SNX29: variants seen among roughly 807,000 people sequenced by gnomAD.
SNX29 encodes the protein sorting nexin 29, also known as sorting nexin-29.
Under a neutral mutation model 102.1 loss-of-function variants are expected in SNX29, and 78 were observed. The ratio of observed to expected loss-of-function variants is 0.76; its 90% CI spans 0.64 to 0.92. SNX29 has a LOEUF of 0.92. SNX29 is among the 40% of genes least tolerant of loss of function. The pLI is 0.00. For missense variants in SNX29, 1,280 were observed against 1,061.7 expected (o/e 1.21, Z -2.86); for synonymous variants, 580 against 414.5 (o/e 1.40, Z -4.85).
intron 1 of SNX29, among the ~76,000 whole-genome samples, chr16:11,997,811 G>T (rs567090301): frequency 1.3e-5 from 2 of 152,228 alleles, no homozygotes; most frequent in South Asian, 4.1e-4. Context: ...TGAGAAGATG[G>T]ATCTTTTACA....
At chr16:12,335,321 A>C (rs553174757) in intron 15 of SNX29, among the ~76,000 whole-genome samples, 1 of 152,084 alleles carries the variant, frequency 6.6e-6, no homozygotes, top group Non-Finnish European at 1.5e-5. Flanking sequence ...TGCTGGGAGT[A>C]TAAGAATTCA....
chr16:12,269,470 A>G (rs1054948727), intron 14 of SNX29, among the ~76,000 whole-genome samples: 1 of 152,196 alleles, frequency 6.6e-6, no homozygotes, highest in South Asian at 2.1e-4. Flanking sequence ...CTGTGACAAT[A>G]AGATAGGTCT....
chr16:12,353,211 G>C (rs1474385012), intron 15 of SNX29, among the ~76,000 whole-genome samples: 2 of 152,144 alleles, frequency 1.3e-5, no homozygotes, highest in Non-Finnish European at 1.5e-5. Context: ...CAACTCTGTG[G>C]TGCTCTTGCT....
chr16:12,250,316 T>G (rs2078384500), intron 14 of SNX29, among the ~76,000 whole-genome samples: 1 of 152,196 alleles, frequency 6.6e-6, no homozygotes, highest in African/African-American at 2.4e-5. Flanking sequence ...TTTTGCAATT[T>G]TCAGTCTGTA....
chr16:12,474,125 C>T (rs897595075), intron 18 of SNX29, among the ~76,000 whole-genome samples: 2 of 151,970 alleles, frequency 1.3e-5, no homozygotes, highest in East Asian at 1.9e-4. Context: ...GGCAGGTAGC[C>T]GTGGGTTCAA....
chr16:12,563,945 TCAAG>T (rs1397815735), intron 20 of SNX29, among the ~76,000 whole-genome samples: 1 of 152,134 alleles, frequency 6.6e-6, no homozygotes, highest in African/African-American at 2.4e-5. Context: ...CTGATCTTGT[TCAAG>T]AAAGACGAGG....
At chr16:12,149,985 C>G (rs914273552) in intron 13 of SNX29, among the ~76,000 whole-genome samples, 1 of 152,128 alleles carries the variant, frequency 6.6e-6, no homozygotes, top group Non-Finnish European at 1.5e-5. Flanking sequence ...TGGCTGTATC[C>G]TGGAATTCTG....
At chr16:12,276,135 C>T (rs905911998) in intron 14 of SNX29, among the ~76,000 whole-genome samples, 10 of 152,094 alleles carry the variant, frequency 6.6e-5, no homozygotes, top group Admixed American at 6.5e-5. Flanking sequence ...TCAAGTGATC[C>T]ACCCGCCTTG....
intron 15 of SNX29, among the ~76,000 whole-genome samples, chr16:12,299,373 T>C (rs953174677): frequency 2.8e-4 from 43 of 152,236 alleles, no homozygotes; most frequent in African/African-American, 1.0e-3. Context: ...AATTTTTCTT[T>C]GTGATATTCA....
At chr16:12,565,696 G>A (rs1192293763) in intron 20 of SNX29, among the ~76,000 whole-genome samples, 1 of 151,696 alleles carries the variant, frequency 6.6e-6, no homozygotes, top group Non-Finnish European at 1.5e-5. Context: ...TTCCAGGAAG[G>A]GGAAGCAGCT....
At chr16:12,508,690 G>T (rs1451364945) in intron 19 of SNX29, among the ~76,000 whole-genome samples, 1 of 152,218 alleles carries the variant, frequency 6.6e-6, no homozygotes, top group Non-Finnish European at 1.5e-5. Flanking sequence ...GGCCATTGCA[G>T]TATGGAATTG....
chr16:12,403,086 G>A (rs1477119), intron 17 of SNX29, among the ~76,000 whole-genome samples: 83,803 of 151,948 alleles, frequency 0.55, 23,792 homozygotes, highest in Non-Finnish European at 0.62. Flanking sequence ...TGGGGCTTCC[G>A]GTTATTATCT....
At chr16:12,022,923 GTCTC>G (rs1237543228) in intron 3 of SNX29, among the ~76,000 whole-genome samples, 3 of 133,246 alleles carry the variant, frequency 2.3e-5, no homozygotes, top group Non-Finnish European at 4.7e-5. Context: ...TTGAGACCAA[GTCTC>G]TCTCTGTTGC....
rs551661823 is a variant in SNX29 at position 12,564,975 on chromosome 16, G to T, written c.2319-3531G>T. On this transcript the variant is annotated intron_variant, in intron 20 of 20. Transcript: ENST00000566228. The stretch of plus-strand genomic sequence containing the variant: ...AAGGCTGTCATTGTAAATGTGAGGC[G>T]TTTCAGCTTCCGACTACAGCCCATG... 4.6e-5 allele frequency among the ~76,000 whole-genome samples: 7 copies of T among 150,984 alleles called. No homozygotes were observed. In the South Asian group the frequency reaches 1.3e-3, roughly 28 times the overall value.
chr16:12,050,852 C>T (rs1180688678), intron 7 of SNX29, among the ~76,000 whole-genome samples: 2 of 152,048 alleles, frequency 1.3e-5, no homozygotes, highest in African/African-American at 4.8e-5. Context: ...GCTGGGATTA[C>T]AGGCACCTGC....
At chr16:12,364,395 A>T (rs1307710776) in intron 16 of SNX29, among the ~76,000 whole-genome samples, 1 of 146,990 alleles carries the variant, frequency 6.8e-6, no homozygotes, top group Non-Finnish European at 1.5e-5. Flanking sequence ...GGGATTAAGG[A>T]TTGAATTTTT....
At chr16:12,223,700 C>T (rs896479480) in intron 14 of SNX29, among the ~76,000 whole-genome samples, 2 of 152,196 alleles carry the variant, frequency 1.3e-5, no homozygotes, top group African/African-American at 2.4e-5. Flanking sequence ...GAATTGAAAT[C>T]TGTTGACTGT....
chr16:12,556,884 CGTCT>C (rs1218194567), intron 20 of SNX29, among the ~76,000 whole-genome samples: 9 of 151,814 alleles, frequency 5.9e-5, no homozygotes, highest in African/African-American at 2.2e-4. Flanking sequence ...ATAGGGTCTC[CGTCT>C]GTCTCCTCAC....
At chr16:12,309,191 G>T (rs1353063338) in intron 15 of SNX29, among the ~76,000 whole-genome samples, 1 of 152,138 alleles carries the variant, frequency 6.6e-6, no homozygotes, top group Non-Finnish European at 1.5e-5. Context: ...CTGCAATCAG[G>T]GTCTGTTTGA....
Sources: gnomAD v4.1 joint callset for allele counts (sites outside exome capture counted in the v4.1 genomes callset) on GRCh38, gnomAD v4.1.1 for gene constraint, MANE v1.5 for transcripts, NCBI Gene and HGNC (gene_info 2026-07-23, HGNC 2026-07-21) for gene names.